MBTD1: variants seen among roughly 807,000 people sequenced by gnomAD.
MBTD1 encodes the protein mbt domain containing 1.
In MBTD1, 24 loss-of-function variants were observed where a neutral mutation model predicts 87.8. The observed-to-expected ratio is 0.27, with a 90% CI of 0.20 to 0.38. MBTD1 has a LOEUF of 0.38. Among genes scored for constraint, MBTD1 ranks in the 10% least tolerant of loss-of-function variants. MBTD1 has a pLI of 1.00. For synonymous variants in MBTD1, 237 were observed against 248.6 expected (o/e 0.95, Z 0.44); for missense variants, 436 against 760.2 (o/e 0.57, Z 5.02).
At chr17:51,235,194 G>A (rs1465182954) in intron 2 of MBTD1, among the ~76,000 whole-genome samples, 1 of 151,828 alleles carries the variant, frequency 6.6e-6, no homozygotes, top group Non-Finnish European at 1.5e-5. Context: ...GGAGTGCAGC[G>A]GTGACATCTT....
At chr17:51,243,907 T>C (rs1338599455) in intron 2 of MBTD1, among the ~76,000 whole-genome samples, 1 of 152,198 alleles carries the variant, frequency 6.6e-6, no homozygotes, top group Non-Finnish European at 1.5e-5. Context: ...CTGATGTGTC[T>C]GTGTCCTTAG....
intron 2 of MBTD1, among the ~76,000 whole-genome samples, chr17:51,257,015 A>G (rs2055129288): frequency 6.6e-6 from 1 of 152,226 alleles, no homozygotes; most frequent in Admixed American, 6.5e-5. Context: ...GTTCCAGCAA[A>G]GCAAGAAGAG....
chr17:51,203,004 C>T (rs1241284503), intron 9 of MBTD1, 69 bp from the exon 10 acceptor site: 2 of 1,359,742 alleles, frequency 1.5e-6, no homozygotes, highest in Non-Finnish European at 2.1e-6. Flanking sequence ...TTGTATTATA[C>T]TGTAAAAAAT....
intron 2 of MBTD1, among the ~76,000 whole-genome samples, chr17:51,235,720 A>T (rs1433829045): frequency 6.6e-6 from 1 of 152,210 alleles, no homozygotes; most frequent in South Asian, 2.1e-4. Flanking sequence ...CATTATTAAA[A>T]TGTCAGTCCT....
At chr17:51,194,895 G>C (rs2051010205) in intron 13 of MBTD1, among the ~76,000 whole-genome samples, 1 of 151,740 alleles carries the variant, frequency 6.6e-6, no homozygotes, top group African/African-American at 2.4e-5. Flanking sequence ...GTCTTTATTG[G>C]GAAAAAAAGA....
At chr17:51,223,160 C>A (rs2053011961) in intron 3 of MBTD1, among the ~76,000 whole-genome samples, 1 of 151,770 alleles carries the variant, frequency 6.6e-6, no homozygotes, top group Non-Finnish European at 1.5e-5. Context: ...GCAGAATTAT[C>A]AAAACTGAAA....
At chr17:51,257,772 TG>T (rs1176362458) in intron 2 of MBTD1, among the ~76,000 whole-genome samples, 1 of 152,190 alleles carries the variant, frequency 6.6e-6, no homozygotes, top group African/African-American at 2.4e-5. Context: ...ACACCTCTAC[TG>T]ATTCTTTTTC....
In MBTD1 at chr17:51,225,140, A is replaced by C; in HGVS notation, c.22T>G (p.Cys8Gly). 6.5e-7 allele frequency: 1 copy of C among 1,549,834 alleles called. No homozygotes were observed. The highest frequency in any genetic ancestry group is 8.7e-7 in the Non-Finnish European group (1 of 1,146,312). The change falls in exon 3 of 17, where the codon TGC (cysteine) becomes GGC (glycine). Residue 8 changes from cysteine to glycine, a missense_variant. Cys to Gly is a radical substitution (Grantham distance 159). This residue lies in a region of MBTD1 where 38 missense variants were observed against 33.8 expected (regional missense o/e 1.12). Transcript: ENST00000586178. ...GAGCTGCTGCTTGTGTCCTCACTGC[A>C]GCTATCATAACCGTCAAACATCCCG... MFDGYDS[C>G]SEDTSSSSSS... is the part of the protein sequence containing the mutation.
chr17:51,196,002 G>A (rs1598302204), intron 12 of MBTD1, among the ~76,000 whole-genome samples: 1 of 152,084 alleles, frequency 6.6e-6, no homozygotes, highest in Admixed American at 6.5e-5. Context: ...TGACCTCCCC[G>A]GCTCAAGCAA....
intron 2 of MBTD1, among the ~76,000 whole-genome samples, chr17:51,248,689 T>C (rs2054595102): frequency 6.6e-6 from 1 of 152,240 alleles, no homozygotes. Flanking sequence ...TCATGTTACA[T>C]GTATAAATGG....
rs939456066 is a variant in MBTD1, at chr17:51,222,770, G to T, written c.154+2238C>A. ...CTGATAAATGAAGTTTTTTGATATG[G>T]TCTGCATGACTCTCTATCAGCCCCT... On this transcript the variant is annotated intron_variant, in intron 3 of 16. Transcript: ENST00000586178. 3.3e-5 allele frequency among the ~76,000 whole-genome samples: 5 copies of T among 151,946 alleles called. No homozygotes were observed. The East Asian group carries it at 5.8e-4, about 18-fold the overall frequency.
chr17:51,254,722 A>G (rs2054984031), intron 2 of MBTD1, among the ~76,000 whole-genome samples: 1 of 152,208 alleles, frequency 6.6e-6, no homozygotes, highest in African/African-American at 2.4e-5. Flanking sequence ...CCACACAGGA[A>G]GGATGTATGA....
intron 16 of MBTD1, among the ~76,000 whole-genome samples, chr17:51,191,264 T>TC (rs2050796435): frequency 1.7e-5 from 1 of 58,404 alleles, no homozygotes. Flanking sequence ...GAATTTCTTT[T>TC]TTTTTTTTTT....
In MBTD1 at chr17:51,192,233, T is replaced by C. The variant is rs1448153442; in HGVS notation, c.1738A>G (p.Lys580Glu). The change falls in exon 16 of 17, where the codon AAG becomes GAG. Residue 580 changes from lysine (K) to glutamate (E), a missense_variant. This residue lies in a region of MBTD1 where 80 missense variants were observed against 182.2 expected (regional missense o/e 0.44). Transcript: ENST00000586178. ...SASSKQKKKA[K>E]SQQYKGHKKM... ...TTATGTCCTTTGTATTGCTGGGACT[T>C]AGCCTTTTTCTTCTGTTTTGATGAA... 1 of 1,551,434 alleles carries C rather than the reference T, an allele frequency of 6.4e-7. No individual in the cohort carries two copies.
At chr17:51,182,875 T>C (rs1363776306) in intron 16 of MBTD1, among the ~76,000 whole-genome samples, 1 of 152,228 alleles carries the variant, frequency 6.6e-6, no homozygotes, top group Non-Finnish European at 1.5e-5. Flanking sequence ...CATGAAGCAA[T>C]GGCAGTGTCA....
At chr17:51,237,189 G>A (rs540726380) in intron 2 of MBTD1, among the ~76,000 whole-genome samples, 18 of 151,598 alleles carry the variant, frequency 1.2e-4, no homozygotes, top group South Asian at 4.2e-4. Flanking sequence ...TCAGCTACTC[G>A]GGAGGCTGAG....
At chr17:51,204,403 T>C (rs2051683598) in intron 7 of MBTD1, among the ~76,000 whole-genome samples, 1 of 139,282 alleles carries the variant, frequency 7.2e-6, no homozygotes, top group Non-Finnish European at 1.6e-5. Context: ...ATTATAGGCA[T>C]ATATATGTAA....
chr17:51,209,602 G>A (rs1366063754), intron 6 of MBTD1, among the ~76,000 whole-genome samples: 1 of 152,192 alleles, frequency 6.6e-6, no homozygotes, highest in Non-Finnish European at 1.5e-5. Context: ...AGCTCAGCTG[G>A]CTAGTATTCA....
intron 6 of MBTD1, 116 bp from the exon 7 acceptor site, chr17:51,207,121 A>G (rs2051888698): frequency 1.8e-6 from 1 of 556,048 alleles, no homozygotes. Flanking sequence ...TGTCATTTTA[A>G]TTCCGTTTGT....
Sources: allele counts gnomAD v4.1 joint callset (sites outside exome capture counted in the v4.1 genomes callset), GRCh38; gene constraint gnomAD v4.1.1; regional missense constraint gnomAD v4.1.1; transcripts MANE v1.5; gene names NCBI Gene and HGNC (gene_info 2026-07-23, HGNC 2026-07-21).